CTNNA2: variants seen among roughly 807,000 people sequenced by gnomAD.
CTNNA2 encodes catenin alpha 2, also known as catenin alpha-2.
CTNNA2 carries 42 observed loss-of-function variants against 101.0 expected under a neutral mutation model. The observed-to-expected ratio is 0.42, with a 90% CI of 0.32 to 0.54. The LOEUF (loss-of-function observed/expected upper bound fraction) is 0.54, where lower values mean the gene tolerates loss of function less well. CTNNA2 is among the 20% of genes least tolerant of loss of function. The probability of loss-of-function intolerance (pLI) is 0.14; values close to 1 mark genes in which losing one functional copy is unlikely to be tolerated. For missense variants in CTNNA2, 871 were observed against 1,223.1 expected, an observed-to-expected ratio of 0.71 and a Z score of 4.29; for synonymous variants, 450 against 456.4, an observed-to-expected ratio of 0.99 and a Z score of 0.18.
intron 3 of CTNNA2, among the ~76,000 whole-genome samples, chr2:79,361,772 G>A (rs910628155): frequency 4.6e-5 from 7 of 152,126 alleles, no homozygotes; most frequent in African/African-American, 1.4e-4. Flanking sequence ...ATGTTCAAGG[G>A]CAGGAAGCAT....
chr2:79,966,878 T>G (rs1011616701), intron 7 of CTNNA2, among the ~76,000 whole-genome samples: 13 of 152,102 alleles, frequency 8.5e-5, no homozygotes, highest in African/African-American at 2.9e-4. Context: ...ACCTTCCTGT[T>G]TTTTCCCCTA....
At chr2:80,484,220 G>C (rs1477508752) in intron 9 of CTNNA2, among the ~76,000 whole-genome samples, 1 of 151,822 alleles carries the variant, frequency 6.6e-6, no homozygotes, top group East Asian at 1.9e-4. Context: ...TGCGCTTGTG[G>C]TCAATACATT....
At chr2:80,475,082 A>G (rs1572981506) in intron 9 of CTNNA2, among the ~76,000 whole-genome samples, 1 of 152,164 alleles carries the variant, frequency 6.6e-6, no homozygotes, top group African/African-American at 2.4e-5. Context: ...ATTTTTAGAG[A>G]TGATGCTGTA....
rs567487980 is a variant in CTNNA2, at chr2:79,390,207, T to TA, written c.-135+16194_-135+16195insA. 2.8e-3 allele frequency among the ~76,000 whole-genome samples: 431 copies of TA among 152,322 alleles called. 1 individual carries two copies. The highest frequency in any genetic ancestry group is 9.9e-3 in the African/African-American group (411 of 41,564). On this transcript the variant is annotated intron_variant, in intron 4 of 21. Transcript: ENST00000466387. ...CTCTTTTGGCAGCACTTTGCATTTC[T>TA]CTTCCCATGTTTTATTTAAAACTTG... is the stretch of plus-strand genomic sequence containing the variant.
intron 3 of CTNNA2, among the ~76,000 whole-genome samples, chr2:79,816,405 C>T (rs1315464103): frequency 6.6e-6 from 1 of 151,866 alleles, no homozygotes; most frequent in South Asian, 2.1e-4. Context: ...CATAGAAAAC[C>T]CATAACACTT....
At chr2:79,552,799 G>A (rs1423069082) in intron 1 of CTNNA2, among the ~76,000 whole-genome samples, 1 of 152,186 alleles carries the variant, frequency 6.6e-6, no homozygotes, top group African/African-American at 2.4e-5. Context: ...ACAATGCCAG[G>A]CATTATTTTT....
chr2:80,196,717 C>T (rs369205417), intron 7 of CTNNA2, among the ~76,000 whole-genome samples: 2 of 152,246 alleles, frequency 1.3e-5, no homozygotes, highest in East Asian at 3.9e-4. Flanking sequence ...ACACTTTGGC[C>T]CAAGTCATCA....
At chr2:79,917,620 C>G (rs1239123129) in intron 7 of CTNNA2, among the ~76,000 whole-genome samples, 1 of 152,056 alleles carries the variant, frequency 6.6e-6, no homozygotes, top group Non-Finnish European at 1.5e-5. Context: ...TTCTTACTTC[C>G]TTTTTCTTAC....
chr2:79,700,973 A>G (rs1322245597), intron 2 of CTNNA2, among the ~76,000 whole-genome samples: 2 of 152,094 alleles, frequency 1.3e-5, no homozygotes, highest in Non-Finnish European at 2.9e-5. Context: ...ATTTTTCCTA[A>G]TTGGATTGGT....
At position 80,299,870 on chromosome 2, in the gene CTNNA2, C is replaced by T. The variant is rs142971668; in HGVS notation, c.1057-93341C>T. On this transcript the variant is annotated intron_variant, in intron 7 of 18. Transcript: ENST00000402739. ...CCACACAGCTCTTTAATGCACCAAG[C>T]CAAAGCAGCTTTGGGCGCTGGATTC... Among the ~76,000 whole-genome samples, 215 of 152,292 alleles carry T rather than the reference C, an allele frequency of 1.4e-3. 3 individuals are homozygous for T. In the East Asian group the frequency reaches 0.037, roughly 26 times the overall value.
chr2:80,512,520 G>A (rs544642021), intron 9 of CTNNA2, among the ~76,000 whole-genome samples: 25 of 152,126 alleles, frequency 1.6e-4, no homozygotes, highest in South Asian at 4.1e-4. Flanking sequence ...CTTCTGGGCC[G>A]TGTATAGAAG....
chr2:79,296,858 C>T (rs922646392), intron 2 of CTNNA2, among the ~76,000 whole-genome samples: 2 of 152,070 alleles, frequency 1.3e-5, no homozygotes, highest in Non-Finnish European at 2.9e-5. Context: ...TCACCTACCT[C>T]CCACACCAAG....
intron 6 of CTNNA2, among the ~76,000 whole-genome samples, chr2:79,893,949 T>A (rs2104227529): frequency 6.6e-6 from 1 of 152,264 alleles, no homozygotes; most frequent in South Asian, 2.1e-4. Context: ...AAAAATTCTC[T>A]AACTAAATTG....
chr2:80,290,394 C>T (rs973478811), intron 7 of CTNNA2, among the ~76,000 whole-genome samples: 6 of 152,030 alleles, frequency 3.9e-5, no homozygotes, highest in Non-Finnish European at 8.8e-5. Flanking sequence ...CTCATTTCTT[C>T]CCCAGTGATT....
intron 3 of CTNNA2, among the ~76,000 whole-genome samples, chr2:79,356,524 G>A (rs772270404): frequency 5.9e-5 from 9 of 152,256 alleles, no homozygotes; most frequent in Non-Finnish European, 1.0e-4. Flanking sequence ...ACAGTGAAAA[G>A]TTAAGTGGTG....
intron 7 of CTNNA2, among the ~76,000 whole-genome samples, chr2:80,019,905 A>AT (rs1558734302): frequency 1.3e-5 from 2 of 152,188 alleles, no homozygotes; most frequent in Non-Finnish European, 2.9e-5. Context: ...ACGAGCAGAC[A>AT]TTTAGACCCC....
At chr2:80,017,655 T>C (rs750788757) in intron 7 of CTNNA2, among the ~76,000 whole-genome samples, 7 of 152,246 alleles carry the variant, frequency 4.6e-5, no homozygotes, top group Non-Finnish European at 8.8e-5. Context: ...AGGGTTCTAA[T>C]GTGCAGGTCT....
intron 2 of CTNNA2, among the ~76,000 whole-genome samples, chr2:79,705,379 G>A (rs1685287709): frequency 6.6e-6 from 1 of 152,054 alleles, no homozygotes; most frequent in African/African-American, 2.4e-5. Flanking sequence ...GATCTATTTT[G>A]TTATTAGTTA....
intron 7 of CTNNA2, among the ~76,000 whole-genome samples, chr2:79,996,661 C>T (rs1692566225): frequency 6.6e-6 from 1 of 152,088 alleles, no homozygotes; most frequent in African/African-American, 2.4e-5. Flanking sequence ...AGAATTGAGC[C>T]CCTTTGGAAA....
Sources: allele counts gnomAD v4.1 joint callset (sites outside exome capture counted in the v4.1 genomes callset), GRCh38; gene constraint gnomAD v4.1.1; transcripts MANE v1.5; gene names NCBI Gene and HGNC (gene_info 2026-07-23, HGNC 2026-07-21).